Variants in ROBO1 observed in about 807,000 individuals in gnomAD.
ROBO1 encodes the protein roundabout guidance receptor 1, also known as roundabout homolog 1.
Under a neutral mutation model 195.9 loss-of-function variants are expected in ROBO1, and 149 were observed. That is an observed-to-expected ratio of 0.76 (90% CI 0.67 to 0.87). The LOEUF (loss-of-function observed/expected upper bound fraction) is 0.87. ROBO1 is among the 40% of genes least tolerant of loss of function. ROBO1 has a pLI of 0.00. For missense variants in ROBO1, 1,933 were observed against 2,068.3 expected (o/e 0.93, Z 1.27); for synonymous variants, 816 against 733.2 (o/e 1.11, Z -1.82).
intron 2 of ROBO1, among the ~76,000 whole-genome samples, chr3:79,361,776 T>A (rs2035777926): frequency 6.6e-6 from 1 of 152,152 alleles, no homozygotes; most frequent in Non-Finnish European, 1.5e-5. Flanking sequence ...TATTTTCTAG[T>A]ATTGTATTTA....
chr3:79,148,386 A>G (rs921573282), intron 2 of ROBO1, among the ~76,000 whole-genome samples: 2 of 151,838 alleles, frequency 1.3e-5, no homozygotes, highest in Non-Finnish European at 2.9e-5. Context: ...TATACTCAGG[A>G]GGCTGATGGG....
intron 2 of ROBO1, among the ~76,000 whole-genome samples, chr3:79,353,297 A>G (rs1169993775): frequency 6.6e-6 from 1 of 152,160 alleles, no homozygotes; most frequent in Admixed American, 6.5e-5. Flanking sequence ...GGGAAATGCT[A>G]TAATAGATAT....
chr3:79,337,394 A>C (rs2034722587), intron 2 of ROBO1, among the ~76,000 whole-genome samples: 1 of 152,138 alleles, frequency 6.6e-6, no homozygotes, highest in Non-Finnish European at 1.5e-5. Flanking sequence ...TTCTCATGGT[A>C]GTGAGTGAGG....
intron 2 of ROBO1, among the ~76,000 whole-genome samples, chr3:79,496,272 C>A (rs887671123): frequency 6.9e-6 from 1 of 145,800 alleles, no homozygotes; most frequent in Non-Finnish European, 1.5e-5. Context: ...CAGGTATATT[C>A]TTTCTATGTA....
intron 2 of ROBO1, among the ~76,000 whole-genome samples, chr3:79,224,645 T>C (rs2082194589): frequency 6.6e-6 from 1 of 152,222 alleles, no homozygotes; most frequent in Non-Finnish European, 1.5e-5. Context: ...TCCAACAATA[T>C]ATTCATTGAT....
At chr3:78,759,172 G>C (rs910942806) in intron 4 of ROBO1, 1 of 153,182 alleles carries the variant, frequency 6.5e-6, no homozygotes, top group Non-Finnish European at 1.5e-5. Flanking sequence ...TGTCAAATTG[G>C]TGAAGGTTCT....
intron 2 of ROBO1, among the ~76,000 whole-genome samples, chr3:79,530,755 C>CCACACACACACACACA (rs59568172): frequency 7.8e-6 from 1 of 128,130 alleles, no homozygotes; most frequent in Non-Finnish European, 1.6e-5. Flanking sequence ...CACCTTGTAA[C>CCACACACACACACACA]CACACACACA....
chr3:78,870,700 C>T (rs538020334), intron 4 of ROBO1, among the ~76,000 whole-genome samples: 9 of 152,190 alleles, frequency 5.9e-5, no homozygotes, highest in East Asian at 5.8e-4. Context: ...AAAAGGATTG[C>T]GAAAATTGCT....
At chr3:79,670,666 T>C (rs1946606745) in intron 1 of ROBO1, among the ~76,000 whole-genome samples, 1 of 151,776 alleles carries the variant, frequency 6.6e-6, no homozygotes, top group Non-Finnish European at 1.5e-5. Flanking sequence ...TAGGTAAACA[T>C]TGGCATTTTT....
At chr3:78,838,293 T>C (rs1024882372) in intron 4 of ROBO1, among the ~76,000 whole-genome samples, 2 of 152,224 alleles carry the variant, frequency 1.3e-5, no homozygotes, top group African/African-American at 2.4e-5. Flanking sequence ...GATCACAATC[T>C]ACGTGTACTT....
intron 3 of ROBO1, among the ~76,000 whole-genome samples, chr3:79,013,777 T>C (rs188390745): frequency 5.1e-4 from 77 of 152,310 alleles, no homozygotes; most frequent in African/African-American, 1.8e-3. Context: ...AGGATTTTTA[T>C]GAGCATTAAA....
intron 3 of ROBO1, among the ~76,000 whole-genome samples, chr3:78,981,788 A>AACACACACACACACACACACAC (rs375186931): frequency 5.3e-4 from 75 of 140,754 alleles, no homozygotes; most frequent in Non-Finnish European, 3.1e-4. Context: ...GGCCCCTGCC[A>AACACACACACACACACACACAC]ACACACACAC....
intron 1 of ROBO1, among the ~76,000 whole-genome samples, chr3:79,668,584 A>C (rs1946539991): frequency 6.6e-6 from 1 of 151,698 alleles, no homozygotes; most frequent in Admixed American, 6.6e-5. Flanking sequence ...GCCCAGGGAA[A>C]GACCAATACC....
intron 3 of ROBO1, among the ~76,000 whole-genome samples, chr3:78,941,604 G>T (rs1161630327): frequency 6.6e-6 from 1 of 152,190 alleles, no homozygotes; most frequent in Non-Finnish European, 1.5e-5. Context: ...GCCTGAGCAA[G>T]TCAGAGAAGA....
chr3:79,274,078 C>T (rs2030808428), intron 2 of ROBO1, among the ~76,000 whole-genome samples: 1 of 151,960 alleles, frequency 6.6e-6, no homozygotes, highest in South Asian at 2.1e-4. Flanking sequence ...GAGCCTTAAA[C>T]ACCCTACTTT....
chr3:79,050,737 A>G (rs1202348807), intron 3 of ROBO1, among the ~76,000 whole-genome samples: 2 of 152,196 alleles, frequency 1.3e-5, no homozygotes, highest in Non-Finnish European at 2.9e-5. Context: ...ATCAAATTAG[A>G]ACTCAGGATT....
intron 1 of ROBO1, among the ~76,000 whole-genome samples, chr3:79,691,655 AT>A (rs911315949): frequency 1.3e-5 from 2 of 151,602 alleles, no homozygotes; most frequent in East Asian, 1.9e-4. Context: ...GTATTTGGGA[AT>A]TTTTTTTATT....
At chr3:78,881,664 G>C (rs2036188840) in intron 4 of ROBO1, among the ~76,000 whole-genome samples, 1 of 151,972 alleles carries the variant, frequency 6.6e-6, no homozygotes, top group Admixed American at 6.6e-5. Context: ...TTCCTCCACA[G>C]AAATAAAAAC....
intron 2 of ROBO1, among the ~76,000 whole-genome samples, chr3:79,412,004 A>G (rs1367044516): frequency 6.6e-6 from 1 of 152,100 alleles, no homozygotes; most frequent in Non-Finnish European, 1.5e-5. Flanking sequence ...CATCGAGAGC[A>G]GCAGCATCAG....
Sources: gnomAD v4.1 joint callset for allele counts (sites outside exome capture counted in the v4.1 genomes callset) on GRCh38, gnomAD v4.1.1 for gene constraint, MANE v1.5 for transcripts, NCBI Gene and HGNC (gene_info 2026-07-23, HGNC 2026-07-21) for gene names.